Variants in SYNPO2L observed in about 807,000 individuals in gnomAD.
SYNPO2L encodes synaptopodin 2-like protein.
In SYNPO2L, 34 loss-of-function variants were observed where a neutral mutation model predicts 47.5. That is an observed-to-expected ratio of 0.72 (90% CI 0.54 to 0.95). The LOEUF (loss-of-function observed/expected upper bound fraction) is 0.95, where lower values mean the gene tolerates loss of function less well. SYNPO2L is among the 40% of genes least tolerant of loss of function. The probability of loss-of-function intolerance (pLI) is 0.00; values close to 1 mark genes in which losing one functional copy is unlikely to be tolerated. For missense variants in SYNPO2L, 1,246 were observed against 1,282.0 expected, an observed-to-expected ratio of 0.97 and a Z score of 0.43; for synonymous variants, 536 against 524.9, an observed-to-expected ratio of 1.02 and a Z score of -0.29.
chr10:73,650,164 C>T (rs2081829009), intron 3 of SYNPO2L: 25 of 985,346 alleles, frequency 2.5e-5, no homozygotes, highest in Non-Finnish European at 2.9e-5. Context: ...CCAGTTCCTC[C>T]TGAAAAATTA....
chr10:73,655,495 A>G (rs2081871489), intron 1 of SYNPO2L, among the ~76,000 whole-genome samples: 1 of 152,128 alleles, frequency 6.6e-6, no homozygotes, highest in Admixed American at 6.6e-5. Flanking sequence ...TTTGGAGTAG[A>G]GGCACATACC....
At chr10:73,650,881 A>T in intron 3 of SYNPO2L, 1 of 1,581,594 alleles carries the variant, frequency 6.3e-7, no homozygotes, top group Non-Finnish European at 8.6e-7. Flanking sequence ...TAGACCCCAG[A>T]CTCTCATAGA....
At chr10:73,652,002 G>T (rs1196991423) in intron 3 of SYNPO2L, among the ~76,000 whole-genome samples, 5 of 144,438 alleles carry the variant, frequency 3.5e-5, no homozygotes, top group Admixed American at 7.0e-5. Context: ...TTGAACCCAG[G>T]AGGTGGAGGG....
rs1185167946 is a variant in SYNPO2L at position 73,645,344 on chromosome 10, CAA to C, written c.*1372_*1373del. 22 of 1,058,918 alleles carry C rather than the reference CAA, an allele frequency of 2.1e-5. No homozygotes were observed. The Admixed American group carries it at 2.4e-4, about 12-fold the overall frequency. The allele number at this position is 1,058,918 out of a possible 1,614,324, so 65.6% of individuals were successfully genotyped here. The stretch of plus-strand genomic sequence containing the variant: ...CTTGTTACTCAACTTTACCTTCTCC[CAA>C]TATGGCATTGTCCCTCGCCACACTT... On this transcript the variant is annotated 3_prime_UTR_variant, in exon 4 of 4. Coordinates refer to ENST00000394810, the MANE Select transcript of SYNPO2L (RefSeq NM_001114133.3).
At position 73,647,602 on chromosome 10, in the gene SYNPO2L, A is replaced by G. The variant is rs751344464; in HGVS notation, c.2050T>C (p.Cys684Arg). ...GCCCCTACTGGCTGCATGAAGTTGC[A>G]GGCTTCAGCCCCGAGGCTCAGAGCA... ...EDALSLGAEA[C>R]NFMQPVGARS... Residue 684 changes from cysteine (C) to arginine (R), a missense_variant, in exon 4 of 4, where the codon TGC becomes CGC. Physicochemically the swap from Cys to Arg is radical, Grantham distance 180. Around this residue, in one of 3 missense-constraint regions of SYNPO2L, gnomAD observed 1,037 missense variants for 1,021.5 expected, o/e 1.02. Coordinates refer to ENST00000394810, the MANE Select transcript of SYNPO2L (RefSeq NM_001114133.3). 3.1e-6 allele frequency: 5 copies of G among 1,614,000 alleles called. No homozygotes were observed. The South Asian group carries it at 5.5e-5, about 18-fold the overall frequency.
At chr10:73,653,007 A>T in intron 3 of SYNPO2L, 132 bp downstream of exon 3, 1 of 1,116,002 alleles carries the variant, frequency 9.0e-7, no homozygotes, top group Non-Finnish European at 1.2e-6. Context: ...CTCCCCTTCT[A>T]CTCATTACCC....
At position 73,646,758 on chromosome 10, in the gene SYNPO2L, A is replaced by G; in HGVS notation, c.2894T>C (p.Leu965Ser). 6.6e-7 allele frequency: 1 copy of G among 1,511,438 alleles called. No homozygotes were observed. The highest frequency in any genetic ancestry group is 8.8e-7 in the Non-Finnish European group (1 of 1,130,414). The allele number at this position is 1,511,438 out of a possible 1,614,324, so 93.6% of individuals were successfully genotyped here. A position where few individuals can be genotyped will look rare whatever the true frequency, so the allele number is the denominator to read the frequency against. The change falls in exon 4 of 4, where the codon TTG (leucine) becomes TCG (serine). Residue 965 changes from leucine to serine, a missense_variant. Physicochemically the swap from Leu to Ser is moderately radical, Grantham distance 145 (BLOSUM62 -2). Transcript: ENST00000394810. ...CCCAGGCCTCCACACATGAGCTTGCAATCCTGTTCTGGTGGCTGAAAATCG... is the reference window on the plus strand; with the variant it reads ...CCCAGGCCTCCACACATGAGCTTGCGATCCTGTTCTGGTGGCTGAAAATCG... ...RPRFSATRTG[L>S]QAHVWRPGAG...
At position 73,646,811 on chromosome 10, in the gene SYNPO2L, G is replaced by A. The variant is rs2081756635; in HGVS notation, c.2841C>T (p.Ser947=). 16 of 1,541,768 alleles carry A rather than the reference G, an allele frequency of 1.0e-5. No homozygotes were observed. The highest frequency in any genetic ancestry group is 1.4e-5 in the Non-Finnish European group (16 of 1,147,038). ...EAPRGLGASP[S]SCGFQVARPR... is the part of the protein sequence containing the mutation. Reference sequence around the variant, plus strand: ...GCCTGGCTACCTGGAAACCGCAGGAGCTGGGAGAAGCCCCAAGGCCCCTGG... The same window carrying A: ...GCCTGGCTACCTGGAAACCGCAGGAACTGGGAGAAGCCCCAAGGCCCCTGG... Residue 947 remains serine, a synonymous_variant, in exon 4 of 4, where the codon AGC becomes AGT. Coordinates refer to ENST00000394810, the MANE Select transcript of SYNPO2L (RefSeq NM_001114133.3).
In SYNPO2L at chr10:73,655,925, C is replaced by A; in HGVS notation, c.-3G>T. ...AGCACCTCCTCCTCAGCACCCATCG[C>A]TCAGCTTGGCCTATGGCCCCCGGAG... On this transcript the variant is annotated 5_prime_UTR_variant, in exon 1 of 4. Coordinates refer to ENST00000394810, the MANE Select transcript of SYNPO2L (RefSeq NM_001114133.3). 1 of 1,550,416 alleles carries A rather than the reference C, an allele frequency of 6.4e-7. No individual in the cohort carries two copies. The highest frequency in any genetic ancestry group is 2.5e-5 in the East Asian group (1 of 40,806).
At chr10:73,650,942 G>T in intron 3 of SYNPO2L, 1 of 1,613,938 alleles carries the variant, frequency 6.2e-7, no homozygotes, top group Non-Finnish European at 8.5e-7. Context: ...CAGGAACTGG[G>T]TCTGGGGCTT....
In SYNPO2L at chr10:73,648,242, G is replaced by C. The variant is rs760669297; in HGVS notation, c.1410C>G (p.Pro470=). The part of the protein sequence containing the change: ...APSIFNRSAR[P]FTPGLQGQRP... ...GCTGCCCTTGTAGGCCCGGGGTAAA[G>C]GGCCTGGCTGACCGGTTAAAGATGC... is the stretch of plus-strand genomic sequence containing the variant. The change falls in exon 4 of 4, where the codon CCC becomes CCG. Residue 470 remains proline (P), a synonymous_variant. Coordinates refer to ENST00000394810, the MANE Select transcript of SYNPO2L (RefSeq NM_001114133.3). The C allele has an allele frequency of 1.0e-5, 16 of 1,593,120 alleles. No homozygotes were observed. The highest frequency in any genetic ancestry group is 5.1e-6 in the Non-Finnish European group (6 of 1,173,446).
intron 3 of SYNPO2L, 61 bp from the exon 4 acceptor site, chr10:73,648,940 C>G: frequency 1.4e-6 from 2 of 1,430,088 alleles, no homozygotes; most frequent in South Asian, 3.2e-5. Context: ...AGTCCTGTTC[C>G]CCAAGGCTTT....
chr10:73,647,837 C>T lies in SYNPO2L; in HGVS notation c.1815G>A (p.Glu605=), dbSNP rs755141853. ...TGCGCTGCTCGCGAGCGCTGGGGGG[C>T]TCAGGAGCCCCTGGGCCTGGGGCAG... ...EAPAPGPGAP[E]PPSAREQRIS... Residue 605 remains glutamate (E), a synonymous_variant, in exon 4 of 4, where the codon GAG becomes GAA. Transcript: ENST00000394810. 6.4e-7 allele frequency: 1 copy of T among 1,568,482 alleles called. No individual in the cohort carries two copies. The highest frequency in any genetic ancestry group is 8.6e-7 in the Non-Finnish European group (1 of 1,158,498).
Position 73,647,473 on chromosome 10 carries a change from G to C in SYNPO2L, c.2179C>G (p.Pro727Ala). Residue 727 changes from proline (P) to alanine (A), a missense_variant, in exon 4 of 4, where the codon CCT (proline) becomes GCT (alanine). Physicochemically the swap from Pro to Ala is conservative, Grantham distance 27. This residue lies in a region of SYNPO2L where 1,037 missense variants were observed against 1,021.5 expected (regional missense o/e 1.02). Transcript: ENST00000394810. ...AGGAGCCCTCGAGATGGGGGCTTAG[G>C]AGCCACTGGGGGTGGAGTCTTAGGA... ...MTPKTPPPVA[P>A]KPPSRGLLDG... The C allele has an allele frequency of 6.3e-7, 1 of 1,596,382 alleles. No homozygotes were observed. Among genetic ancestry groups the C allele is most frequent in the South Asian group, 1.1e-5 (1 of 89,278 alleles).
Position 73,648,849 on chromosome 10 carries a change from T to G in SYNPO2L, c.803A>C (p.Lys268Thr). ...KLQRAESLQE[K>T]SIKEAKTKCR... is the part of the protein sequence containing the mutation. ...TTTGGTCTTGGCCTCTTTTATGCTC[T>G]TCTCTTGGAGGCTCTCTGCACGTTG... The change falls in exon 4 of 4, where the codon AAG becomes ACG. Residue 268 changes from lysine to threonine, a missense_variant. Lys to Thr is a moderately conservative substitution (Grantham distance 78). Transcript: ENST00000394810. The G allele has an allele frequency of 6.5e-7, 1 of 1,539,032 alleles. No homozygotes were observed. Among genetic ancestry groups the G allele is most frequent in the Non-Finnish European group, 8.8e-7 (1 of 1,142,536 alleles).
rs113565286 is a variant in SYNPO2L at position 73,655,902 on chromosome 10, C to T, written c.21G>A (p.Val7=). Reference sequence around the variant, plus strand: ...GGGCTCCCCCTGATAGTGTGACCAGCACCTCCTCCTCAGCACCCATCGCTC... The same window carrying T: ...GGGCTCCCCCTGATAGTGTGACCAGTACCTCCTCCTCAGCACCCATCGCTC... MGAEEE[V]LVTLSGGAPW... Residue 7 remains valine, a synonymous_variant, in exon 1 of 4, where the codon GTG becomes GTA. Coordinates refer to ENST00000394810, the MANE Select transcript of SYNPO2L (RefSeq NM_001114133.3). The T allele has an allele frequency of 7.1e-6, 11 of 1,551,334 alleles. No individual in the cohort carries two copies. Among genetic ancestry groups the T allele is most frequent in the African/African-American group, 6.8e-5 (5 of 73,030 alleles).
chr10:73,648,377 G>T lies in SYNPO2L; in HGVS notation c.1275C>A (p.Ala425=). ...NGEGLQSPPR[A]QSAPPEAAVL... is the part of the protein sequence containing the mutation. ...CAGCTGCCTCTGGGGGAGCACTCTG[G>T]GCCCGAGGTGGTGACTGCAGGCCTT... Residue 425 remains alanine, a synonymous_variant, in exon 4 of 4, where the codon GCC becomes GCA. Coordinates refer to ENST00000394810, the MANE Select transcript of SYNPO2L (RefSeq NM_001114133.3). 6.2e-7 allele frequency: 1 copy of T among 1,606,746 alleles called. No homozygotes were observed.
Position 73,644,892 on chromosome 10 carries a change from G to T in SYNPO2L, c.*1826C>A. 1 of 646,046 alleles carries T rather than the reference G, an allele frequency of 1.5e-6. No individual in the cohort carries two copies. Among genetic ancestry groups the T allele is most frequent in the Non-Finnish European group, 2.3e-6 (1 of 442,584 alleles). 40.0% of individuals were successfully genotyped at this position (646,046 alleles called of 1,614,324 possible). On this transcript the variant is annotated 3_prime_UTR_variant, in exon 4 of 4. Coordinates refer to ENST00000394810, the MANE Select transcript of SYNPO2L (RefSeq NM_001114133.3). Reference sequence around the variant, plus strand: ...AGATAACAGCAACAGAAGGTATGGGGCATAAATTTATTCTTGTGCACAAAC... The same window carrying T: ...AGATAACAGCAACAGAAGGTATGGGTCATAAATTTATTCTTGTGCACAAAC...
At position 73,653,583 on chromosome 10, in the gene SYNPO2L, G is replaced by C. The variant is rs1410837487; in HGVS notation, c.328C>G (p.Leu110Val). The C allele has an allele frequency of 6.4e-7, 1 of 1,552,238 alleles. No individual in the cohort carries two copies. Among genetic ancestry groups the C allele is most frequent in the East Asian group, 2.4e-5 (1 of 40,924 alleles). Residue 110 changes from leucine (L) to valine (V), a missense_variant, in exon 3 of 4, where the codon CTA becomes GTA. Physicochemically the swap from Leu to Val is conservative, Grantham distance 32. Coordinates refer to ENST00000394810, the MANE Select transcript of SYNPO2L (RefSeq NM_001114133.3). The stretch of plus-strand genomic sequence containing the variant: ...GGAGCACCAGGGGGCTCAGGACTTA[G>C]TGGAGATAAGGGTGACAGCACCTGA... ...ELQVLSPLSP[L>V]SPEPPGAPVP...
Sources: allele counts gnomAD v4.1 joint callset (sites outside exome capture counted in the v4.1 genomes callset), GRCh38; gene constraint gnomAD v4.1.1; regional missense constraint gnomAD v4.1.1; transcripts MANE v1.5; gene names NCBI Gene and HGNC (gene_info 2026-07-23, HGNC 2026-07-21).